RASA1: variants seen among roughly 807,000 people sequenced by gnomAD.
The protein encoded by RASA1 is ras GTPase-activating protein 1.
A neutral mutation model predicts 132.2 loss-of-function variants in RASA1; 25 were observed. The observed-to-expected ratio is 0.19, with a 90% CI of 0.14 to 0.26. The LOEUF (loss-of-function observed/expected upper bound fraction) is 0.26, where lower values mean the gene tolerates loss of function less well. Ranked by LOEUF, RASA1 falls within the 10% of genes least tolerant of loss-of-function variation. The pLI is 1.00. For synonymous variants in RASA1, 477 were observed against 449.9 expected (o/e 1.06, Z -0.76); for missense variants, 964 against 1,299.2 (o/e 0.74, Z 3.97).
chr5:87,310,446 A>T (rs985578396), intron 1 of RASA1, among the ~76,000 whole-genome samples: 1 of 152,136 alleles, frequency 6.6e-6, no homozygotes, highest in Admixed American at 6.5e-5. Context: ...TTCCTGAGTT[A>T]TTTTTTGCAA....
chr5:87,275,615 C>T (rs1371890293), intron 1 of RASA1, among the ~76,000 whole-genome samples: 7 of 151,742 alleles, frequency 4.6e-5, no homozygotes, highest in African/African-American at 1.2e-4. Flanking sequence ...CTTGCCCTGT[C>T]GCCCAGGCTG....
At chr5:87,306,885 G>A (rs956638068) in intron 1 of RASA1, among the ~76,000 whole-genome samples, 4 of 151,860 alleles carry the variant, frequency 2.6e-5, no homozygotes, top group African/African-American at 9.7e-5. Flanking sequence ...TTGAGACAGG[G>A]TCTCACTCTG....
chr5:87,319,860 A>G (rs777089326), intron 1 of RASA1, among the ~76,000 whole-genome samples: 5 of 152,228 alleles, frequency 3.3e-5, no homozygotes, highest in Non-Finnish European at 7.3e-5. Context: ...GTGAGGCTGC[A>G]AAATTTCCAA....
chr5:87,321,098 A>C (rs1213924709), intron 1 of RASA1, among the ~76,000 whole-genome samples: 1 of 152,206 alleles, frequency 6.6e-6, no homozygotes, highest in Non-Finnish European at 1.5e-5. Flanking sequence ...GGGTTGGAAC[A>C]GTATGATATG....
chr5:87,320,482 A>G (rs569018588), intron 1 of RASA1, among the ~76,000 whole-genome samples: 7 of 152,350 alleles, frequency 4.6e-5, no homozygotes, highest in African/African-American at 1.4e-4. Context: ...GAGGCCTCAG[A>G]AGACTTACAA....
intron 18 of RASA1, 30 bp from the exon 19 acceptor site, chr5:87,379,705 G>A: frequency 6.2e-7 from 1 of 1,607,396 alleles, no homozygotes; most frequent in Non-Finnish European, 8.5e-7. Context: ...TTGCCAACAT[G>A]CATTTATATT....
At chr5:87,386,986 A>C (rs1015771283) in intron 23 of RASA1, 83 bp downstream of exon 23, 1 of 1,271,922 alleles carries the variant, frequency 7.9e-7, no homozygotes, top group Non-Finnish European at 1.1e-6. Context: ...CAATCTTTAG[A>C]AAGATTTTCT....
chr5:87,346,369 C>T (rs1461308016), intron 6 of RASA1, among the ~76,000 whole-genome samples: 2 of 150,478 alleles, frequency 1.3e-5, no homozygotes, highest in Non-Finnish European at 3.0e-5. Context: ...CCTTACCCCA[C>T]AAAAAGAAAA....
rs1487946204 is a variant in RASA1, at chr5:87,376,473, T to C, written c.2092T>C (p.Leu698=). 6.2e-7 allele frequency: 1 copy of C among 1,614,034 alleles called. No individual in the cohort carries two copies. Among genetic ancestry groups the C allele is most frequent in the South Asian group, 1.1e-5 (1 of 91,078 alleles). The part of the protein sequence containing the change: ...EWFLLSSHIP[L]KGIEPGSLRV... The stretch of plus-strand genomic sequence containing the variant: ...GTTTCTGCTCAGCTCCCATATACCA[T>C]TAAAAGGTATTGAACCAGGGTCCCT... Residue 698 remains leucine, a synonymous_variant, in exon 16 of 25, where the codon TTA becomes CTA. Coordinates refer to ENST00000274376, the MANE Select transcript of RASA1 (RefSeq NM_002890.3).
rs1157177978 is a variant in RASA1 at position 87,268,334 on chromosome 5, C to T, written c.-118C>T. 6 of 1,280,614 alleles carry T rather than the reference C, an allele frequency of 4.7e-6. No homozygotes were observed. The South Asian group carries it at 6.5e-5, about 14-fold the overall frequency. 79.3% of individuals were successfully genotyped at this position (1,280,614 alleles called of 1,614,324 possible). On this transcript the variant is annotated 5_prime_UTR_variant, in exon 1 of 25. Transcript: ENST00000274376. ...GGGCTCTCTCCTTTTGTTGTTGTTT[C>T]CTCAGCCTGGGGAGCTGAAGGGGAG...
In RASA1 at chr5:87,308,557, C is replaced by G. The variant is rs1755728567; in HGVS notation, c.540-22791C>G. Among the ~76,000 whole-genome samples the G allele has an allele frequency of 2.0e-5, 3 of 152,026 alleles. No individual in the cohort carries two copies. In the South Asian group the frequency reaches 6.2e-4, roughly 32 times the overall value. The stretch of plus-strand genomic sequence containing the variant: ...AACAATATAGGAAAAAGTCTTTACT[C>G]CCTCATACCTCCATAATCTCACTGT... On this transcript the variant is annotated intron_variant, in intron 1 of 24. Transcript: ENST00000274376.
intron 1 of RASA1, among the ~76,000 whole-genome samples, chr5:87,321,390 G>T (rs1355074115): frequency 6.6e-6 from 1 of 152,152 alleles, no homozygotes; most frequent in Admixed American, 6.5e-5. Flanking sequence ...TAGAGATAGT[G>T]TCAGATTCCC....
chr5:87,288,839 A>G (rs1158034347), intron 1 of RASA1, among the ~76,000 whole-genome samples: 1 of 152,144 alleles, frequency 6.6e-6, no homozygotes. Context: ...CTTTCTCTTT[A>G]TACACACATG....
chr5:87,376,863 TTTAA>T lies in RASA1; in HGVS notation c.2185-17_2185-14del. On this transcript the variant is annotated splice_polypyrimidine_tract_variant and intron_variant, in intron 16 of 24. Transcript: ENST00000274376. ...TAATGCTACGTACTTTAAACAATCT[TTTAA>T]AATGTCATTTTAGCTTATACTGCAA... The T allele has an allele frequency of 1.3e-6, 2 of 1,579,900 alleles. No homozygotes were observed. The highest frequency in any genetic ancestry group is 2.2e-5 in the South Asian group (2 of 90,378).
chr5:87,314,528 G>A, intron 1 of RASA1, among the ~76,000 whole-genome samples: 1 of 152,112 alleles, frequency 6.6e-6, no homozygotes, highest in South Asian at 2.1e-4. Context: ...TGGATATGAG[G>A]GAAACAGGTA....
chr5:87,305,150 GT>G (rs1280396931), intron 1 of RASA1, among the ~76,000 whole-genome samples: 1 of 151,728 alleles, frequency 6.6e-6, no homozygotes, highest in African/African-American at 2.4e-5. Context: ...TTTTTTATCT[GT>G]TTCTTTGAAT....
intron 11 of RASA1, among the ~76,000 whole-genome samples, chr5:87,364,009 C>G (rs1760316511): frequency 6.6e-6 from 1 of 152,020 alleles, no homozygotes; most frequent in South Asian, 2.1e-4. Flanking sequence ...AAGCTGAATC[C>G]TAAACATCAG....
At chr5:87,307,879 A>G (rs1198723988) in intron 1 of RASA1, among the ~76,000 whole-genome samples, 1 of 152,152 alleles carries the variant, frequency 6.6e-6, no homozygotes, top group Non-Finnish European at 1.5e-5. Context: ...ACAATTTTAT[A>G]GGTTATCTGA....
chr5:87,272,146 C>T (rs75112997), intron 1 of RASA1, among the ~76,000 whole-genome samples: 4 of 144,486 alleles, frequency 2.8e-5, no homozygotes, highest in Admixed American at 6.9e-5. Context: ...GAAACCCTGT[C>T]TAAAAAAAAA....
Sources: allele counts gnomAD v4.1 joint callset (sites outside exome capture counted in the v4.1 genomes callset), GRCh38; gene constraint gnomAD v4.1.1; transcripts MANE v1.5; gene names NCBI Gene and HGNC (gene_info 2026-07-23, HGNC 2026-07-21).